The following IPO9 variants were observed in gnomAD, a reference collection of about 807,000 sequenced individuals.
The protein encoded by IPO9 is importin-9.
Under a neutral mutation model 128.6 loss-of-function variants are expected in IPO9, and 28 were observed. That is an observed-to-expected ratio of 0.22 (90% CI 0.16 to 0.30). IPO9 has a LOEUF of 0.30. Among genes scored for constraint, IPO9 ranks in the 10% least tolerant of loss-of-function variants. The pLI, the probability that IPO9 is intolerant of heterozygous loss-of-function variation, is 1.00. For synonymous variants in IPO9, 455 were observed against 475.8 expected, an observed-to-expected ratio of 0.96 and a Z score of 0.57; for missense variants, 935 against 1,293.9, an observed-to-expected ratio of 0.72 and a Z score of 4.26.
intron 1 of IPO9, among the ~76,000 whole-genome samples, chr1:201,830,566 A>G (rs910582399): frequency 6.6e-6 from 1 of 152,224 alleles, no homozygotes; most frequent in Non-Finnish European, 1.5e-5. Flanking sequence ...TATCAGATCT[A>G]TACAGGAGAA....
At chr1:201,867,762 A>G (rs1680581530) in intron 15 of IPO9, among the ~76,000 whole-genome samples, 1 of 152,022 alleles carries the variant, frequency 6.6e-6, no homozygotes, top group Non-Finnish European at 1.5e-5. Context: ...TCTTTTTTTA[A>G]AGAGAGAGCT....
chr1:201,871,961 A>G (rs1680661118), intron 19 of IPO9, among the ~76,000 whole-genome samples: 2 of 152,138 alleles, frequency 1.3e-5, no homozygotes, highest in Admixed American at 6.5e-5. Flanking sequence ...TTGGCCAGGC[A>G]CAGTGGCTCA....
rs1680863068 is a variant in IPO9 at position 201,880,392 on chromosome 1, T to C, written c.*4338T>C. 6.6e-6 allele frequency: 1 copy of C among 152,158 alleles called. No homozygotes were observed. The highest frequency in any genetic ancestry group is 6.5e-5 in the Admixed American group (1 of 15,276). 9.4% of individuals were successfully genotyped at this position (152,158 alleles called of 1,614,324 possible). ...GAGGCTCCCTGACAGATGAGTCCTC[T>C]GCCAGAGGAAGGCTAAGATGTAGAG... On this transcript the variant is annotated 3_prime_UTR_variant, in exon 24 of 24. Coordinates refer to ENST00000361565, the MANE Select transcript of IPO9 (RefSeq NM_018085.5).
rs1414087678 is a variant in IPO9 at position 201,876,459 on chromosome 1, C to G, written c.*405C>G. The G allele has an allele frequency of 8.6e-6, 3 of 347,118 alleles. No homozygotes were observed. In the Admixed American group the frequency reaches 1.2e-4, roughly 13 times the overall value. The allele number at this position is 347,118 out of a possible 1,614,324, so 21.5% of individuals were successfully genotyped here. ...ATTCTAAAACAGACCTATCTATGTT[C>G]ATAGGACTTCTGATGTGTTCAGATA... On this transcript the variant is annotated 3_prime_UTR_variant, in exon 24 of 24. Coordinates refer to ENST00000361565, the MANE Select transcript of IPO9 (RefSeq NM_018085.5).
intron 6 of IPO9, among the ~76,000 whole-genome samples, chr1:201,853,357 G>A (rs529042186): frequency 4.6e-4 from 70 of 151,010 alleles, no homozygotes; most frequent in Middle Eastern, 3.5e-3. Flanking sequence ...CCCCCAGTAG[G>A]AACTACAGGT....
intron 21 of IPO9, 135 bp from the exon 22 acceptor site, chr1:201,874,697 C>T (rs891247806): frequency 1.4e-6 from 1 of 705,266 alleles, no homozygotes; most frequent in Non-Finnish European, 2.5e-6. Flanking sequence ...TTGGCCATTT[C>T]TGATTCTCTT....
chr1:201,833,975 T>TG (rs1490864712), intron 1 of IPO9, among the ~76,000 whole-genome samples: 4 of 151,966 alleles, frequency 2.6e-5, no homozygotes, highest in African/African-American at 9.7e-5. Flanking sequence ...TTTCTGGAGA[T>TG]GGGGTCTTGC....
chr1:201,836,816 A>G (rs1239910659), intron 1 of IPO9, among the ~76,000 whole-genome samples: 1 of 152,172 alleles, frequency 6.6e-6, no homozygotes, highest in Non-Finnish European at 1.5e-5. Context: ...GCTTTGAAAC[A>G]TGTGGTCATG....
chr1:201,829,240 TCC>T lies in IPO9; in HGVS notation c.32_33del (p.Ser11TrpfsTer33). 1 of 1,574,260 alleles carries T rather than the reference TCC, an allele frequency of 6.4e-7. No individual in the cohort carries two copies. The highest frequency in any genetic ancestry group is 8.6e-7 in the Non-Finnish European group (1 of 1,164,266). On this transcript the variant is annotated frameshift_variant, in exon 1 of 24. Coordinates refer to ENST00000361565, the MANE Select transcript of IPO9 (RefSeq NM_018085.5). LOFTEE classifies it high-confidence loss of function. ...GGCGGCGGCGGCAGCTGGTGCGGCC[TCC>T]GGGCTGCCGGGTCCAGTGGCACAAG... MAAAAAAGAASGLPGPVAQGL... is the reference protein window; with the variant it reads MAAAAAAGAAXGLPGPVAQGL...
At chr1:201,855,473 G>A (rs1680314038) in intron 9 of IPO9, among the ~76,000 whole-genome samples, 1 of 152,082 alleles carries the variant, frequency 6.6e-6, no homozygotes, top group African/African-American at 2.4e-5. Flanking sequence ...TGTTTCATTT[G>A]GGGGTCCCAG....
intron 18 of IPO9, 150 bp from the exon 19 acceptor site, chr1:201,871,011 A>G: frequency 3.9e-6 from 5 of 1,282,774 alleles, no homozygotes; most frequent in Non-Finnish European, 5.4e-6. Flanking sequence ...GGCCTAAGAA[A>G]CATGGACAAG....
rs1404921719 is a variant in IPO9, at chr1:201,883,170, T to C, written c.*7116T>C. 1.4e-5 allele frequency: 1 copy of C among 73,596 alleles called. No individual in the cohort carries two copies. The highest frequency in any genetic ancestry group is 2.7e-5 in the Non-Finnish European group (1 of 36,698). The allele number at this position is 73,596 out of a possible 1,614,324, so 4.6% of individuals were successfully genotyped here. A position where few individuals can be genotyped will look rare whatever the true frequency, so the allele number is the denominator to read the frequency against. ...GGTGTATTAATTTGCTTTCACTAGA[T>C]TCCCCCCCCCCCAACAACTTAGTCC... On this transcript the variant is annotated 3_prime_UTR_variant, in exon 24 of 24. Transcript: ENST00000361565.
At chr1:201,832,837 G>A (rs562638599) in intron 1 of IPO9, among the ~76,000 whole-genome samples, 32 of 152,344 alleles carry the variant, frequency 2.1e-4, no homozygotes, top group African/African-American at 7.7e-4. Context: ...GCTACCAGGT[G>A]ATGATCCCTT....
At chr1:201,832,243 A>T (rs890216369) in intron 1 of IPO9, among the ~76,000 whole-genome samples, 2 of 143,942 alleles carry the variant, frequency 1.4e-5, no homozygotes, top group Admixed American at 7.0e-5. Context: ...TTGTTTTCTG[A>T]TTCTAGGAAA....
chr1:201,833,273 C>G (rs1324552906), intron 1 of IPO9, among the ~76,000 whole-genome samples: 1 of 150,488 alleles, frequency 6.6e-6, no homozygotes, highest in African/African-American at 2.4e-5. Context: ...GAGTCTCGCT[C>G]TGTCACCCAG....
chr1:201,849,652 A>G (rs2102875518), intron 4 of IPO9, among the ~76,000 whole-genome samples: 1 of 152,346 alleles, frequency 6.6e-6, no homozygotes, highest in African/African-American at 2.4e-5. Context: ...ATGGTAGATA[A>G]TATCAACTCT....
chr1:201,866,729 C>G lies in IPO9; in HGVS notation c.1629-4C>G, dbSNP rs1038510266. 7 of 1,607,828 alleles carry G rather than the reference C, an allele frequency of 4.4e-6. No homozygotes were observed. The highest frequency in any genetic ancestry group is 5.1e-6 in the Non-Finnish European group (6 of 1,174,388). ...ATAATTCTTGCTTATCTATCTCTCT[C>G]TAGTTATTGTGACCAACTGAAAGTC... is the stretch of plus-strand genomic sequence containing the variant. On this transcript the variant is annotated splice_region_variant and splice_polypyrimidine_tract_variant and intron_variant, in intron 14 of 23. Transcript: ENST00000361565.
intron 1 of IPO9, among the ~76,000 whole-genome samples, chr1:201,839,560 C>CAAAAAA (rs4025036): frequency 3.5e-4 from 12 of 33,906 alleles, no homozygotes; most frequent in African/African-American, 6.8e-4. Context: ...GACTCCATCT[C>CAAAAAA]AAAAAAAAAA....
At chr1:201,842,952 T>C (rs1238664182) in intron 1 of IPO9, among the ~76,000 whole-genome samples, 1 of 152,242 alleles carries the variant, frequency 6.6e-6, no homozygotes, top group East Asian at 1.9e-4. Context: ...TAATGTGATA[T>C]TGGAATCCTC....
Sources: gnomAD v4.1 joint callset for allele counts (sites outside exome capture counted in the v4.1 genomes callset) on GRCh38, gnomAD v4.1.1 for gene constraint, MANE v1.5 for transcripts, NCBI Gene and HGNC (gene_info 2026-07-23, HGNC 2026-07-21) for gene names.